The following TRAPPC9 variants were observed in gnomAD, a reference collection of about 807,000 sequenced individuals.
TRAPPC9 encodes the protein trafficking protein particle complex subunit 9, also known as IKK2 binding protein.
In TRAPPC9, 83 loss-of-function variants were observed where a neutral mutation model predicts 124.0. The observed-to-expected ratio is 0.67, with a 90% confidence interval of 0.56 to 0.80. TRAPPC9 has a LOEUF of 0.80. TRAPPC9 is among the 30% of genes least tolerant of loss of function. TRAPPC9 has a pLI of 0.00. For missense variants in TRAPPC9, 1,302 were observed against 1,508.3 expected, an observed-to-expected ratio of 0.86 and a Z score of 2.27; for synonymous variants, 638 against 617.5, an observed-to-expected ratio of 1.03 and a Z score of -0.49.
chr8:140,229,836 G>A (rs2063550909), intron 16 of TRAPPC9, among the ~76,000 whole-genome samples: 1 of 152,176 alleles, frequency 6.6e-6, no homozygotes, highest in South Asian at 2.1e-4. Context: ...GGGGTTACAG[G>A]TGTGAGCCAC....
rs1821433708 is a variant in TRAPPC9, at chr8:139,776,937, C to T, written c.3056-44735G>A. On this transcript the variant is annotated intron_variant, in intron 21 of 22. Transcript: ENST00000438773. This position sits in a 1 kb window ranked among gnomAD's most constrained non-coding sequence, Gnocchi z 4.1. ...GCTGTGCCTTGCACCCTCTGTAGCTCCTGTGTGCCAGTTCCCAGCTTGCCT... is the reference window on the plus strand; with the variant it reads ...GCTGTGCCTTGCACCCTCTGTAGCTTCTGTGTGCCAGTTCCCAGCTTGCCT... Among the ~76,000 whole-genome samples the T allele has an allele frequency of 6.6e-6, 1 of 152,204 alleles. No homozygotes were observed. The highest frequency in any genetic ancestry group is 6.5e-5 in the Admixed American group (1 of 15,288).
intron 17 of TRAPPC9, among the ~76,000 whole-genome samples, chr8:140,086,219 C>A (rs930953792): frequency 6.6e-6 from 1 of 151,884 alleles, no homozygotes; most frequent in Non-Finnish European, 1.5e-5. Context: ...AAAGAAAGTA[C>A]AAGAGGATCC....
chr8:140,233,467 G>T (rs2063651777), intron 16 of TRAPPC9, among the ~76,000 whole-genome samples: 2 of 152,022 alleles, frequency 1.3e-5, no homozygotes, highest in Admixed American at 1.3e-4. Flanking sequence ...GCCTCTCAAA[G>T]TACTGGGATT....
chr8:139,852,244 T>G (rs1409122596), intron 21 of TRAPPC9, among the ~76,000 whole-genome samples: 1 of 152,176 alleles, frequency 6.6e-6, no homozygotes, highest in African/African-American at 2.4e-5. Flanking sequence ...CAATTAAACC[T>G]CTTTCTTTTT....
At chr8:140,056,271 G>A (rs1371551075) in intron 17 of TRAPPC9, among the ~76,000 whole-genome samples, 4 of 151,854 alleles carry the variant, frequency 2.6e-5, no homozygotes, top group Admixed American at 1.3e-4. Context: ...ATTGCCAGGT[G>A]TAGTGGTGTG....
intron 19 of TRAPPC9, among the ~76,000 whole-genome samples, chr8:139,986,406 A>C (rs569450715): frequency 6.6e-6 from 1 of 152,334 alleles, no homozygotes; most frequent in Admixed American, 6.5e-5. Context: ...AGATGGGATG[A>C]GGTGGGCAGA....
rs534694808 is a variant in TRAPPC9, at chr8:140,132,160, C to T, written c.2556+89299G>A. Among the ~76,000 whole-genome samples, 7 of 152,328 alleles carry T rather than the reference C, an allele frequency of 4.6e-5. No homozygotes were observed. In the South Asian group the frequency reaches 1.0e-3, roughly 23 times the overall value. On this transcript the variant is annotated intron_variant, in intron 17 of 22. Transcript: ENST00000438773. ...CCTGGAAACTAAATAGGGGTAGTGA[C>T]TGATGGGGACTTTCTCATCTCTGCA...
At chr8:140,443,131 C>CAAAAAAAAAAAAA (rs1177286944) in intron 2 of TRAPPC9, among the ~76,000 whole-genome samples, 1 of 43,986 alleles carries the variant, frequency 2.3e-5, no homozygotes, top group Admixed American at 2.3e-4. Context: ...GACTCCATCT[C>CAAAAAAAAAAAAA]AAAAAAAAAA....
chr8:139,990,226 C>T (rs1461914947), intron 18 of TRAPPC9, among the ~76,000 whole-genome samples: 1 of 152,092 alleles, frequency 6.6e-6, no homozygotes, highest in Non-Finnish European at 1.5e-5. Context: ...ACAACAGCCT[C>T]GGGGGTAGTC....
chr8:140,373,721 C>G lies in TRAPPC9; in HGVS notation c.1135-2541G>C, dbSNP rs73356432. On this transcript the variant is annotated intron_variant, in intron 7 of 22. Coordinates refer to ENST00000438773, the MANE Select transcript of TRAPPC9 (RefSeq NM_001160372.4). The stretch of plus-strand genomic sequence containing the variant: ...CTCACCAGCATATGAGGATATCAGT[C>G]TTTTTTATTTTAGACGTTGTGGTGG... Among the ~76,000 whole-genome samples the G allele has an allele frequency of 8.1e-3, 1,234 of 151,656 alleles. 9 individuals are homozygous for G. The highest frequency in any genetic ancestry group is 0.028 in the African/African-American group (1,129 of 40,974).
At chr8:139,740,316 C>T (rs1308460806) in intron 21 of TRAPPC9, among the ~76,000 whole-genome samples, 1 of 152,230 alleles carries the variant, frequency 6.6e-6, no homozygotes, top group African/African-American at 2.4e-5. Context: ...ATAGCACGTC[C>T]AGGCTCTGGT....
intron 1 of TRAPPC9, among the ~76,000 whole-genome samples, chr8:140,456,011 C>G (rs11166982): frequency 0.56 from 85,162 of 151,880 alleles, 24,052 homozygotes; most frequent in Non-Finnish European, 0.58. Flanking sequence ...CAGGGGCTGT[C>G]GGAGGGGGGA....
intron 9 of TRAPPC9, among the ~76,000 whole-genome samples, chr8:140,317,261 C>A (rs2066465182): frequency 6.6e-6 from 1 of 151,904 alleles, no homozygotes; most frequent in African/African-American, 2.4e-5. Context: ...TTGGTTGAGT[C>A]TGTTCTTGTT....
At chr8:140,419,906 GAAAA>G (rs2070141564) in intron 5 of TRAPPC9, among the ~76,000 whole-genome samples, 1 of 151,926 alleles carries the variant, frequency 6.6e-6, no homozygotes, top group African/African-American at 2.4e-5. Context: ...GAGAAACGAT[GAAAA>G]ACTCTGTCTC....
At chr8:140,279,094 T>C (rs544611291) in intron 14 of TRAPPC9, among the ~76,000 whole-genome samples, 1 of 152,348 alleles carries the variant, frequency 6.6e-6, no homozygotes, top group East Asian at 1.9e-4. Flanking sequence ...TGACCAATTG[T>C]TGTGGATCTT....
chr8:139,948,366 T>G (rs1229547279), intron 19 of TRAPPC9, among the ~76,000 whole-genome samples: 1 of 152,052 alleles, frequency 6.6e-6, no homozygotes, highest in Non-Finnish European at 1.5e-5. Flanking sequence ...CTTTTGTTTT[T>G]GCCAATATAA....
At chr8:140,343,106 A>G (rs1471415083) in intron 9 of TRAPPC9, among the ~76,000 whole-genome samples, 6 of 152,246 alleles carry the variant, frequency 3.9e-5, no homozygotes. Context: ...TTCAAAAAAT[A>G]TAAAGGACAT....
chr8:140,302,720 T>A (rs2066016024), intron 10 of TRAPPC9: 1 of 152,176 alleles, frequency 6.6e-6, no homozygotes, highest in South Asian at 2.1e-4. Context: ...TCAATCTTAT[T>A]CACAGGGAAA....
intron 21 of TRAPPC9, among the ~76,000 whole-genome samples, chr8:139,859,039 G>A (rs1032797560): frequency 2.6e-5 from 4 of 151,134 alleles, no homozygotes; most frequent in Non-Finnish European, 4.4e-5. Flanking sequence ...CACAGCAGAC[G>A]CTGCCCTTTC....
Sources: gnomAD v4.1 joint callset for allele counts (sites outside exome capture counted in the v4.1 genomes callset) on GRCh38, gnomAD v4.1.1 for gene constraint, Gnocchi (gnomAD v3.1) non-coding constraint, MANE v1.5 for transcripts, NCBI Gene and HGNC (gene_info 2026-07-23, HGNC 2026-07-21) for gene names.